WSB1: variants seen among roughly 807,000 people sequenced by gnomAD.
WSB1 encodes WD repeat and SOCS box containing 1.
In WSB1, 23 loss-of-function variants were observed where a neutral mutation model predicts 50.2. The observed-to-expected ratio is 0.46, with a 90% CI of 0.33 to 0.65. WSB1 has a LOEUF of 0.65. WSB1 is among the 30% of genes least tolerant of loss of function. WSB1 has a pLI of 0.02. For missense variants in WSB1, 492 were observed against 522.3 expected (o/e 0.94, Z 0.56); for synonymous variants, 179 against 172.0 (o/e 1.04, Z -0.32).
intron 5 of WSB1, 31 bp from the exon 6 acceptor site, chr17:27,309,069 T>C (rs549770437): frequency 6.4e-7 from 1 of 1,570,186 alleles, no homozygotes; most frequent in South Asian, 1.2e-5. Flanking sequence ...TATGTCTGAA[T>C]GAAGCTATAA....
rs759128556 is a variant in WSB1 at position 27,309,116 on chromosome 17, T to C, written c.728T>C (p.Met243Thr). The change falls in exon 6 of 9, where the codon ATG (methionine) becomes ACG (threonine). Residue 243 changes from methionine (M) to threonine (T), a missense_variant. Physicochemically the swap from Met to Thr is moderately conservative, Grantham distance 81. Transcript: ENST00000262394. ...GASKAVFLWN[M>T]DKYTMIRKLE... ...TTATTGCAGGTTTTCCTTTGGAATA[T>C]GGATAAATACACCATGATACGGAAA... 2 of 1,601,122 alleles carry C rather than the reference T, an allele frequency of 1.2e-6. No homozygotes were observed. The highest frequency in any genetic ancestry group is 1.7e-6 in the Non-Finnish European group (2 of 1,172,772).
intron 1 of WSB1, 109 bp downstream of exon 1, chr17:27,294,544 C>A: frequency 6.8e-7 from 1 of 1,476,910 alleles, no homozygotes; most frequent in Non-Finnish European, 9.3e-7. Flanking sequence ...AGCTCCAGTG[C>A]GCCAGGGCCA....
chr17:27,309,275 G>A lies in WSB1; in HGVS notation c.884+3G>A, dbSNP rs751909153. 5.0e-6 allele frequency: 8 copies of A among 1,598,308 alleles called. No homozygotes were observed. Among genetic ancestry groups the A allele is most frequent in the Non-Finnish European group, 6.8e-6 (8 of 1,170,700 alleles). On this transcript the variant is annotated splice_donor_region_variant and intron_variant, in intron 6 of 8. Coordinates refer to ENST00000262394, the MANE Select transcript of WSB1 (RefSeq NM_015626.10). The stretch of plus-strand genomic sequence containing the variant: ...GGAGACATTCTGATGGAATTTGGGT[G>A]GGTACAGCATGAATTATTTTAGTCT...
At chr17:27,304,518 G>C (rs899845165) in intron 3 of WSB1, among the ~76,000 whole-genome samples, 1 of 110,996 alleles carries the variant, frequency 9.0e-6, no homozygotes, top group African/African-American at 3.7e-5. Flanking sequence ...GGGCAACATA[G>C]TGAGACTCCA....
intron 8 of WSB1, 98 bp downstream of exon 8, chr17:27,311,714 C>T: frequency 1.1e-6 from 1 of 890,814 alleles, no homozygotes; most frequent in Non-Finnish European, 1.6e-6. Context: ...TCACTGTAGC[C>T]TCCGTCTTCC....
chr17:27,297,471 C>G (rs2017027270), intron 1 of WSB1, among the ~76,000 whole-genome samples: 1 of 150,444 alleles, frequency 6.6e-6, no homozygotes, highest in Admixed American at 6.8e-5. Context: ...CCCCGGCCTA[C>G]TCTTTTTTTT....
Position 27,315,720 on chromosome 17 carries a change from CTG to C in WSB1, c.*3354_*3355del, listed in dbSNP as rs1468519626. 1 of 152,212 alleles carries C rather than the reference CTG, an allele frequency of 6.6e-6. No homozygotes were observed. The highest frequency in any genetic ancestry group is 1.9e-4 in the East Asian group (1 of 5,204). 9.4% of individuals were successfully genotyped at this position (152,212 alleles called of 1,614,324 possible). A position where few individuals can be genotyped will look rare whatever the true frequency, so the allele number is the denominator to read the frequency against. Reference sequence around the variant, plus strand: ...TTTTACCCAAGTAATTCTGAACAGACTGTGGCTTATGATAATACATTTTAACT... The same window carrying C: ...TTTTACCCAAGTAATTCTGAACAGACTGGCTTATGATAATACATTTTAACT... On this transcript the variant is annotated 3_prime_UTR_variant, in exon 9 of 9. Coordinates refer to ENST00000262394, the MANE Select transcript of WSB1 (RefSeq NM_015626.10).
At chr17:27,299,765 T>G (rs2017148169) in intron 1 of WSB1, among the ~76,000 whole-genome samples, 1 of 152,156 alleles carries the variant, frequency 6.6e-6, no homozygotes, top group Admixed American at 6.6e-5. Context: ...CTTAGCCTGG[T>G]AAAAAAGATT....
chr17:27,308,174 T>G (rs1191002976), intron 5 of WSB1: 2 of 995,228 alleles, frequency 2.0e-6, no homozygotes, highest in East Asian at 2.1e-4. Flanking sequence ...TTGTACTTAT[T>G]TTCTTTTAGA....
At chr17:27,298,932 G>A (rs991812055) in intron 1 of WSB1, among the ~76,000 whole-genome samples, 17 of 152,090 alleles carry the variant, frequency 1.1e-4, no homozygotes, top group Non-Finnish European at 2.4e-4. Flanking sequence ...GCATGTGCCC[G>A]TAGTCCCTGC....
intron 1 of WSB1, among the ~76,000 whole-genome samples, chr17:27,294,887 C>T (rs1423827932): frequency 1.3e-5 from 2 of 152,142 alleles, no homozygotes; most frequent in African/African-American, 2.4e-5. Context: ...TGGAAGAGGT[C>T]CCAACAGCCT....
In WSB1 at chr17:27,315,354, C is replaced by CT. The variant is rs749614240; in HGVS notation, c.*2986dup. 4 of 152,236 alleles carry CT rather than the reference C, an allele frequency of 2.6e-5. No individual in the cohort carries two copies. Among genetic ancestry groups the CT allele is most frequent in the African/African-American group, 7.2e-5 (3 of 41,470 alleles). The allele number at this position is 152,236 out of a possible 1,614,324, so 9.4% of individuals were successfully genotyped here. On this transcript the variant is annotated 3_prime_UTR_variant, in exon 9 of 9. Coordinates refer to ENST00000262394, the MANE Select transcript of WSB1 (RefSeq NM_015626.10). ...AGGAAAATCACACTCAGCAGCCAAG[C>CT]TATCCTTTTGCGATAATGAAATCAC...
rs753084364 is a variant in WSB1, at chr17:27,312,269, A to G, written c.1166A>G (p.His389Arg). 3.1e-6 allele frequency: 5 copies of G among 1,614,162 alleles called. No individual in the cohort carries two copies. The highest frequency in any genetic ancestry group is 4.2e-6 in the Non-Finnish European group (5 of 1,180,022). Residue 389 changes from histidine (H) to arginine (R), a missense_variant, in exon 9 of 9, where the codon CAT becomes CGT. Transcript: ENST00000262394. ...CCACGGCAGGTCCCTAGCCTGCAACATTTATGTCGCATGTCAATCCGAAGA... is the reference window on the plus strand; with the variant it reads ...CCACGGCAGGTCCCTAGCCTGCAACGTTTATGTCGCATGTCAATCCGAAGA... The part of the protein sequence containing the change: ...ATPRQVPSLQ[H>R]LCRMSIRRVM...
Position 27,315,135 on chromosome 17 carries a change from A to G in WSB1, c.*2766A>G, listed in dbSNP as rs1419008254. On this transcript the variant is annotated 3_prime_UTR_variant, in exon 9 of 9. Transcript: ENST00000262394. The stretch of plus-strand genomic sequence containing the variant: ...CTGTGGGGAAGAAGGTAATAACAGT[A>G]ATAACAGACTGAAGGACCAAAGGAA... The G allele has an allele frequency of 6.6e-6, 1 of 152,224 alleles. No individual in the cohort carries two copies. Among genetic ancestry groups the G allele is most frequent in the African/African-American group, 2.4e-5 (1 of 41,460 alleles). The allele number at this position is 152,224 out of a possible 1,614,324, so 9.4% of individuals were successfully genotyped here.
Position 27,304,820 on chromosome 17 carries a change from C to A in WSB1, c.519C>A (p.Val173=). 1 of 1,613,886 alleles carries A rather than the reference C, an allele frequency of 6.2e-7. No homozygotes were observed. The highest frequency in any genetic ancestry group is 1.1e-5 in the South Asian group (1 of 91,058). ...LLNLVDHTEV[V]RDLTFAPDGS... is the part of the protein sequence containing the mutation. ...ACTTGGTAGATCATACTGAAGTGGT[C>A]AGAGATTTAACTTTTGCTCCAGATG... The change falls in exon 4 of 9, where the codon GTC becomes GTA. Residue 173 remains valine, a synonymous_variant. Coordinates refer to ENST00000262394, the MANE Select transcript of WSB1 (RefSeq NM_015626.10).
chr17:27,311,633 C>CTTTTTT lies in WSB1; in HGVS notation c.1106+38_1106+43dup, dbSNP rs142949229. Reference sequence around the variant, plus strand: ...AGCTGCTGGGTAAATATATTTTTCTCTTTTTTTTTTTTTTTTTTTTTTTTT... The same window carrying CTTTTTT: ...AGCTGCTGGGTAAATATATTTTTCTCTTTTTTTTTTTTTTTTTTTTTTTTTTTTTTT... On this transcript the variant is annotated intron_variant, in intron 8 of 8. Transcript: ENST00000262394. 116 of 491,088 alleles carry CTTTTTT rather than the reference C, an allele frequency of 2.4e-4. No individual in the cohort carries two copies. The highest frequency in any genetic ancestry group is 6.4e-4 in the South Asian group (23 of 35,964). 30.4% of individuals were successfully genotyped at this position (491,088 alleles called of 1,614,324 possible).
chr17:27,299,525 A>C (rs775511708), intron 1 of WSB1, among the ~76,000 whole-genome samples: 6 of 152,236 alleles, frequency 3.9e-5, no homozygotes, highest in Non-Finnish European at 7.3e-5. Context: ...AAACAAAGTT[A>C]TGTGACGGCT....
intron 5 of WSB1, 51 bp from the exon 6 acceptor site, chr17:27,309,049 T>A (rs146317362): frequency 2.7e-6 from 4 of 1,505,266 alleles, no homozygotes; most frequent in Middle Eastern, 1.8e-4. Flanking sequence ...ATGTGCCATT[T>A]TGTCCTCTGT....
chr17:27,294,584 C>T (rs1300958993), intron 1 of WSB1, 149 bp downstream of exon 1: 7 of 1,137,998 alleles, frequency 6.2e-6, no homozygotes, highest in South Asian at 4.5e-5. Flanking sequence ...GAAGCCGCCT[C>T]GGTGGGAGTT....
Sources: gnomAD v4.1 joint callset for allele counts (sites outside exome capture counted in the v4.1 genomes callset) on GRCh38, gnomAD v4.1.1 for gene constraint, MANE v1.5 for transcripts, NCBI Gene and HGNC (gene_info 2026-07-23, HGNC 2026-07-21) for gene names.